USP12: variants seen among roughly 807,000 people sequenced by gnomAD.
USP12 encodes ubiquitin specific peptidase 12.
In USP12, 19 loss-of-function variants were observed where a neutral mutation model predicts 45.5. The observed-to-expected ratio is 0.42, with a 90% CI of 0.29 to 0.61. The LOEUF is 0.61. USP12 is among the 20% of genes least tolerant of loss of function. The pLI, the probability that USP12 is intolerant of heterozygous loss-of-function variation, is 0.22. For missense variants in USP12, 242 were observed against 447.7 expected, an observed-to-expected ratio of 0.54 and a Z score of 4.15; for synonymous variants, 149 against 148.8, an observed-to-expected ratio of 1.00 and a Z score of -0.01.
intron 1 of USP12, among the ~76,000 whole-genome samples, chr13:27,126,124 C>T (rs1373332941): frequency 1.3e-5 from 2 of 152,210 alleles, no homozygotes; most frequent in South Asian, 2.1e-4. Flanking sequence ...CAGTGGTTCT[C>T]CCAGCATGGT....
intron 2 of USP12, among the ~76,000 whole-genome samples, chr13:27,106,323 T>C (rs1375569680): frequency 6.9e-6 from 1 of 144,634 alleles, no homozygotes; most frequent in Non-Finnish European, 1.5e-5. Flanking sequence ...ATTTCTCTCT[T>C]ACCAGCCATG....
intron 7 of USP12, 112 bp downstream of exon 7, chr13:27,075,079 A>C: frequency 1.8e-5 from 17 of 933,938 alleles, no homozygotes; most frequent in Non-Finnish European, 2.6e-5. Flanking sequence ...TTATCTTGAG[A>C]GAATACAGAA....
At chr13:27,160,394 G>C (rs1277167751) in intron 1 of USP12, among the ~76,000 whole-genome samples, 1 of 151,550 alleles carries the variant, frequency 6.6e-6, no homozygotes, top group Non-Finnish European at 1.5e-5. Context: ...TGTTCAGCAG[G>C]GTCCCCCGTG....
chr13:27,107,981 CTCAGGGATCT>C (rs1444194676), intron 2 of USP12, among the ~76,000 whole-genome samples: 1 of 152,000 alleles, frequency 6.6e-6, no homozygotes, highest in Non-Finnish European at 1.5e-5. Context: ...GTGGTGATTC[CTCAGGGATCT>C]AGAACTAGAA....
chr13:27,085,903 C>T (rs1873987929), intron 6 of USP12, among the ~76,000 whole-genome samples: 1 of 151,946 alleles, frequency 6.6e-6, no homozygotes, highest in Non-Finnish European at 1.5e-5. Context: ...TGGTATCTAG[C>T]TCCTGTAATT....
Position 27,169,464 on chromosome 13 carries a change from A to T in USP12, c.48+2128T>A, listed in dbSNP as rs543123574. 2.0e-5 allele frequency among the ~76,000 whole-genome samples: 3 copies of T among 152,350 alleles called. No homozygotes were observed. The East Asian group carries it at 5.8e-4, about 29-fold the overall frequency. ...TCTTTAAAGAATAAGACTGCAAATTACTTTGAGATATTCAGCACTATTTGG... is the reference window on the plus strand; with the variant it reads ...TCTTTAAAGAATAAGACTGCAAATTTCTTTGAGATATTCAGCACTATTTGG... On this transcript the variant is annotated intron_variant, in intron 1 of 8. Coordinates refer to ENST00000282344, the MANE Select transcript of USP12 (RefSeq NM_182488.4).
intron 1 of USP12, among the ~76,000 whole-genome samples, chr13:27,145,384 G>A (rs1404467293): frequency 6.6e-6 from 1 of 152,032 alleles, no homozygotes; most frequent in Non-Finnish European, 1.5e-5. Context: ...TGTTTCCATG[G>A]AACACGAATA....
chr13:27,135,337 TAAC>T (rs528209211), intron 1 of USP12, among the ~76,000 whole-genome samples: 91 of 152,356 alleles, frequency 6.0e-4, no homozygotes, highest in African/African-American at 2.0e-3. Context: ...ATCTCTATCG[TAAC>T]AACATTTATA....
intron 1 of USP12, among the ~76,000 whole-genome samples, chr13:27,143,463 AC>A (rs1877164361): frequency 6.6e-6 from 1 of 152,356 alleles, no homozygotes; most frequent in South Asian, 2.1e-4. Flanking sequence ...CATGAAAAAA[AC>A]AACAGAATTA....
At chr13:27,128,844 C>G (rs1366879124) in intron 1 of USP12, among the ~76,000 whole-genome samples, 1 of 152,158 alleles carries the variant, frequency 6.6e-6, no homozygotes, top group Admixed American at 6.5e-5. Flanking sequence ...TTTCCCAGCA[C>G]CTATGTTACA....
chr13:27,168,355 A>AT (rs1322440130), intron 1 of USP12, among the ~76,000 whole-genome samples: 1 of 152,236 alleles, frequency 6.6e-6, no homozygotes, highest in Non-Finnish European at 1.5e-5. Context: ...CAGAGCTAAC[A>AT]TTTATGGAGC....
chr13:27,137,300 A>C (rs925580442), intron 1 of USP12, among the ~76,000 whole-genome samples: 2 of 152,238 alleles, frequency 1.3e-5, no homozygotes, highest in Non-Finnish European at 2.9e-5. Flanking sequence ...GAGATAGGTC[A>C]TGATTATACA....
chr13:27,124,516 T>C (rs1257202615), intron 1 of USP12, among the ~76,000 whole-genome samples: 1 of 152,210 alleles, frequency 6.6e-6, no homozygotes, highest in African/African-American at 2.4e-5. Flanking sequence ...GAAAATTCAA[T>C]ACACTGTTCC....
chr13:27,080,302 G>C lies in USP12; in HGVS notation c.735-4914C>G, dbSNP rs554077115. ...AAATCCCTATTGCTGATATGATTTT[G>C]ACATGATACTACACAAGTTACCATT... On this transcript the variant is annotated intron_variant, in intron 6 of 8. Transcript: ENST00000282344. 5.3e-5 allele frequency among the ~76,000 whole-genome samples: 8 copies of C among 152,334 alleles called. No individual in the cohort carries two copies. In the South Asian group the frequency reaches 1.5e-3, roughly 28 times the overall value.
intron 1 of USP12, among the ~76,000 whole-genome samples, chr13:27,148,471 C>T (rs538683186): frequency 1.3e-5 from 2 of 151,604 alleles, no homozygotes; most frequent in African/African-American, 2.4e-5. Context: ...GTCAGGAGTT[C>T]GAGACCAGCC....
At position 27,075,507 on chromosome 13, in the gene USP12, A is replaced by G. The variant is rs376230471; in HGVS notation, c.735-119T>C. 9.1e-6 allele frequency: 8 copies of G among 878,474 alleles called. No individual in the cohort carries two copies. In the South Asian group the frequency reaches 1.3e-4, roughly 14 times the overall value. The allele number at this position is 878,474 out of a possible 1,614,324, so 54.4% of individuals were successfully genotyped here. On this transcript the variant is annotated intron_variant, in intron 6 of 8. Coordinates refer to ENST00000282344, the MANE Select transcript of USP12 (RefSeq NM_182488.4). ...CAATGGTCAGTTTTAATAGCCCAGC[A>G]ATGCCCAGTTTTGCACATTTCTATC...
intron 2 of USP12, 137 bp from the exon 3 acceptor site, chr13:27,106,081 A>C: frequency 1.5e-6 from 1 of 681,672 alleles, no homozygotes; most frequent in South Asian, 2.8e-5. Flanking sequence ...GCATTATATT[A>C]TACATTTTAA....
intron 2 of USP12, among the ~76,000 whole-genome samples, chr13:27,107,209 C>A (rs117634073): frequency 3.3e-5 from 5 of 152,058 alleles, no homozygotes; most frequent in African/African-American, 9.7e-5. Context: ...CCTGTGATTC[C>A]AACTACTCAG....
intron 4 of USP12, among the ~76,000 whole-genome samples, chr13:27,091,674 T>C (rs1874320868): frequency 6.6e-6 from 1 of 152,074 alleles, no homozygotes; most frequent in South Asian, 2.1e-4. Context: ...GATAATAAAA[T>C]GGAACATGAT....
Sources: gnomAD v4.1 joint callset for allele counts (sites outside exome capture counted in the v4.1 genomes callset) on GRCh38, gnomAD v4.1.1 for gene constraint, MANE v1.5 for transcripts, NCBI Gene and HGNC (gene_info 2026-07-23, HGNC 2026-07-21) for gene names.